PRKAA2: variants seen among roughly 807,000 people sequenced by gnomAD.
PRKAA2 encodes the protein 5'-AMP-activated protein kinase catalytic subunit alpha-2.
A neutral mutation model predicts 56.3 loss-of-function variants in PRKAA2; 40 were observed. The ratio of observed to expected loss-of-function variants is 0.71; its 90% CI spans 0.55 to 0.92. The LOEUF is 0.92. PRKAA2 is among the 40% of genes least tolerant of loss of function. PRKAA2 has a pLI of 0.00. For synonymous variants in PRKAA2, 214 were observed against 234.2 expected (o/e 0.91, Z 0.79); for missense variants, 542 against 686.9 (o/e 0.79, Z 2.36).
intron 1 of PRKAA2, 91 bp from the exon 2 acceptor site, chr1:56,674,290 G>A: frequency 8.9e-7 from 1 of 1,123,106 alleles, no homozygotes; most frequent in Non-Finnish European, 1.2e-6. Flanking sequence ...GTATATATGA[G>A]TAGAGAAGTT....
At chr1:56,685,731 T>G (rs911585334) in intron 2 of PRKAA2, among the ~76,000 whole-genome samples, 26 of 152,098 alleles carry the variant, frequency 1.7e-4, no homozygotes, top group Non-Finnish European at 3.4e-4. Flanking sequence ...ACAACAAAAT[T>G]CATACTGTGG....
At position 56,645,326 on chromosome 1, in the gene PRKAA2, G is replaced by A; in HGVS notation, c.-62G>A. 8.6e-7 allele frequency: 1 copy of A among 1,164,458 alleles called. No individual in the cohort carries two copies. Among genetic ancestry groups the A allele is most frequent in the Non-Finnish European group, 1.1e-6 (1 of 885,596 alleles). 72.1% of individuals were successfully genotyped at this position (1,164,458 alleles called of 1,614,324 possible). ...CGCAGGGCCCGCTGCACTGTGGGTAGGCGGCGGCGGCGGCGGCTACGCGGA... is the reference window on the plus strand; with the variant it reads ...CGCAGGGCCCGCTGCACTGTGGGTAAGCGGCGGCGGCGGCGGCTACGCGGA... On this transcript the variant is annotated 5_prime_UTR_variant, in exon 1 of 9. Transcript: ENST00000371244.
chr1:56,670,807 TTTA>T (rs1281134776), intron 1 of PRKAA2, among the ~76,000 whole-genome samples: 1 of 152,208 alleles, frequency 6.6e-6, no homozygotes, highest in African/African-American at 2.4e-5. Flanking sequence ...GGCAAGATTA[TTTA>T]TTATTGGTGT....
chr1:56,690,618 C>CTTAAG (rs1644222993), intron 2 of PRKAA2, among the ~76,000 whole-genome samples: 1 of 152,018 alleles, frequency 6.6e-6, no homozygotes, highest in Non-Finnish European at 1.5e-5. Flanking sequence ...CAATATGTCT[C>CTTAAG]TTAAGTTACT....
At chr1:56,701,760 G>A (rs921399145) in intron 6 of PRKAA2, among the ~76,000 whole-genome samples, 1 of 152,054 alleles carries the variant, frequency 6.6e-6, no homozygotes, top group Non-Finnish European at 1.5e-5. Context: ...TGGGCATGGT[G>A]GCAGGTGCTT....
chr1:56,655,280 A>ATATATATATATATTTTTTTTTTTTTTTT, intron 1 of PRKAA2, among the ~76,000 whole-genome samples: 1 of 93,652 alleles, frequency 1.1e-5, no homozygotes, highest in African/African-American at 4.5e-5. Context: ...ATATATATAT[A>ATATATATATATATTTTTTTTTTTTTTTT]TTTTTTTTTT....
At chr1:56,666,337 A>G (rs958313460) in intron 1 of PRKAA2, among the ~76,000 whole-genome samples, 5 of 152,208 alleles carry the variant, frequency 3.3e-5, no homozygotes, top group Non-Finnish European at 5.9e-5. Context: ...GTAGGTAATT[A>G]CAGCACTTGA....
At chr1:56,695,806 C>T (rs1375839716) in intron 5 of PRKAA2, 129 bp from the exon 6 acceptor site, 2 of 800,686 alleles carry the variant, frequency 2.5e-6, no homozygotes, top group African/African-American at 1.7e-5. Context: ...TGGGGAGCAG[C>T]CATGGACTTC....
intron 2 of PRKAA2, among the ~76,000 whole-genome samples, chr1:56,686,987 C>T (rs141155345): frequency 4.6e-5 from 7 of 151,292 alleles, no homozygotes; most frequent in South Asian, 2.1e-4. Context: ...CAGGTTCAAG[C>T]GATTCTCGTA....
At chr1:56,653,435 A>T (rs1478563891) in intron 1 of PRKAA2, among the ~76,000 whole-genome samples, 1 of 152,102 alleles carries the variant, frequency 6.6e-6, no homozygotes, top group East Asian at 1.9e-4. Flanking sequence ...AGGCAGCCTG[A>T]TGTAGTATAA....
chr1:56,673,218 A>C (rs1415764392), intron 1 of PRKAA2, among the ~76,000 whole-genome samples: 3 of 151,968 alleles, frequency 2.0e-5, no homozygotes, highest in Non-Finnish European at 4.4e-5. Context: ...CAAAGATTTA[A>C]AGAAAAATTA....
intron 2 of PRKAA2, among the ~76,000 whole-genome samples, chr1:56,682,815 G>C (rs564482508): frequency 7.6e-4 from 115 of 152,220 alleles, no homozygotes; most frequent in African/African-American, 2.6e-3. Flanking sequence ...GCCACATGTG[G>C]CTGTGTAAAT....
rs1156819639 is a variant in PRKAA2, at chr1:56,714,382, G to C, written c.*6669G>C. On this transcript the variant is annotated 3_prime_UTR_variant, in exon 9 of 9. Coordinates refer to ENST00000371244, the MANE Select transcript of PRKAA2 (RefSeq NM_006252.4). ...GTTTGAAAGCCCTTGTTTAAATACA[G>C]GGTTTATATCCCCACATTCAATGTA... is the stretch of plus-strand genomic sequence containing the variant. 1 of 152,004 alleles carries C rather than the reference G, an allele frequency of 6.6e-6. No homozygotes were observed. The highest frequency in any genetic ancestry group is 1.5e-5 in the Non-Finnish European group (1 of 67,980). The allele number at this position is 152,004 out of a possible 1,614,324, so 9.4% of individuals were successfully genotyped here.
At chr1:56,687,185 A>G (rs1644197239) in intron 2 of PRKAA2, among the ~76,000 whole-genome samples, 1 of 152,036 alleles carries the variant, frequency 6.6e-6, no homozygotes, top group South Asian at 2.1e-4. Context: ...CACCTGGCCA[A>G]AACTCTTTAG....
At chr1:56,666,652 G>A (rs757172130) in intron 1 of PRKAA2, among the ~76,000 whole-genome samples, 31 of 152,242 alleles carry the variant, frequency 2.0e-4, no homozygotes, top group Admixed American at 9.8e-4. Flanking sequence ...ATGAGAGAAA[G>A]CACAGTCCTT....
intron 2 of PRKAA2, among the ~76,000 whole-genome samples, chr1:56,678,984 A>G (rs574656476): frequency 1.1e-4 from 16 of 152,232 alleles, no homozygotes; most frequent in African/African-American, 1.4e-4. Context: ...GTGAGCCACC[A>G]TGCCCAGCCT....
In PRKAA2 at chr1:56,683,192, A is replaced by G. The variant is rs114664634; in HGVS notation, c.237-8202A>G. On this transcript the variant is annotated intron_variant, in intron 2 of 8. Coordinates refer to ENST00000371244, the MANE Select transcript of PRKAA2 (RefSeq NM_006252.4). ...CTGAGATGGAAAGAATGGAAAAGAA[A>G]CATTAGAGAGATGTGAACATTAAGG... Among the ~76,000 whole-genome samples the G allele has an allele frequency of 3.2e-3, 474 of 150,290 alleles. 4 individuals carry two copies. The highest frequency in any genetic ancestry group is 0.011 in the African/African-American group (457 of 40,972).
rs111850567 is a variant in PRKAA2, at chr1:56,662,446, A to AT, written c.95-11932dup. Among the ~76,000 whole-genome samples the AT allele has an allele frequency of 3.5e-3, 527 of 151,912 alleles. 1 individual carries two copies. The highest frequency in any genetic ancestry group is 0.011 in the African/African-American group (437 of 41,480). On this transcript the variant is annotated intron_variant, in intron 1 of 8. Coordinates refer to ENST00000371244, the MANE Select transcript of PRKAA2 (RefSeq NM_006252.4). ...TCAATTTTTTAATTAAATAGAGATG[A>AT]TTTAAAAAAAAAATTAAATACAGAC...
chr1:56,652,881 C>G (rs555854257), intron 1 of PRKAA2, among the ~76,000 whole-genome samples: 32 of 152,234 alleles, frequency 2.1e-4, no homozygotes, highest in African/African-American at 7.7e-4. Context: ...TAATCTGCCC[C>G]TATTTTGTGG....
Sources: allele counts gnomAD v4.1 joint callset (sites outside exome capture counted in the v4.1 genomes callset), GRCh38; gene constraint gnomAD v4.1.1; transcripts MANE v1.5; gene names NCBI Gene and HGNC (gene_info 2026-07-23, HGNC 2026-07-21).